Variants in CYFIP1 observed in about 807,000 individuals in gnomAD.
The protein encoded by CYFIP1 is cytoplasmic FMR1-interacting protein 1.
In CYFIP1, 58 loss-of-function variants were observed where a neutral mutation model predicts 163.5. The ratio of observed to expected loss-of-function variants is 0.35; its 90% CI spans 0.29 to 0.44. CYFIP1 has a LOEUF of 0.44. Among genes scored for constraint, CYFIP1 ranks in the 20% least tolerant of loss-of-function variants. CYFIP1 has a pLI of 1.00. For missense variants in CYFIP1, 1,338 were observed against 1,653.8 expected, an observed-to-expected ratio of 0.81 and a Z score of 3.31; for synonymous variants, 663 against 660.7, an observed-to-expected ratio of 1.00 and a Z score of -0.05.
intron 13 of CYFIP1, among the ~76,000 whole-genome samples, chr15:22,923,942 CAA>C (rs916058496): frequency 1.1e-4 from 7 of 61,814 alleles, no homozygotes; most frequent in East Asian, 4.6e-4. Context: ...ACCTTGTCTC[CAA>C]AAAAAAAAAA....
chr15:22,960,248 A>G (rs2062630131), intron 1 of CYFIP1, among the ~76,000 whole-genome samples: 1 of 152,176 alleles, frequency 6.6e-6, no homozygotes, highest in Non-Finnish European at 1.5e-5. Context: ...TGCTGTCAAG[A>G]CACTTGGGCT....
chr15:22,918,526 T>C (rs1339281336), intron 14 of CYFIP1, among the ~76,000 whole-genome samples, 166 bp downstream of exon 14: 1 of 152,132 alleles, frequency 6.6e-6, no homozygotes, highest in Non-Finnish European at 1.5e-5. Context: ...GGGTTAATAA[T>C]TGGACCCATG....
At chr15:22,950,993 C>T (rs1176912942) in intron 1 of CYFIP1, among the ~76,000 whole-genome samples, 2 of 152,182 alleles carry the variant, frequency 1.3e-5, no homozygotes, top group East Asian at 3.8e-4. Context: ...CCTAATTTAC[C>T]AATTAAAGTT....
At chr15:22,901,618 G>C (rs563864570) in intron 22 of CYFIP1, among the ~76,000 whole-genome samples, 1 of 152,290 alleles carries the variant, frequency 6.6e-6, no homozygotes, top group East Asian at 1.9e-4. Flanking sequence ...CACTGTACAG[G>C]TTAAATTCCA....
At chr15:22,909,362 T>C in intron 20 of CYFIP1, 49 bp from the exon 21 acceptor site, 1 of 1,603,802 alleles carries the variant, frequency 6.2e-7, no homozygotes, top group South Asian at 1.1e-5. Flanking sequence ...CATGAGCAGC[T>C]CGAAAACAAC....
chr15:22,920,328 C>T (rs2061132506), intron 13 of CYFIP1, among the ~76,000 whole-genome samples: 1 of 152,046 alleles, frequency 6.6e-6, no homozygotes, highest in East Asian at 1.9e-4. Flanking sequence ...CCATGCTTGG[C>T]TAGGCATCTT....
At position 22,939,287 on chromosome 15, in the gene CYFIP1, A is replaced by G. The variant is rs1434355682; in HGVS notation, c.700T>C (p.Tyr234His). ...LQQQLEVISG[Y>H]EELLADIVNL... The stretch of plus-strand genomic sequence containing the variant: ...ACAATATCTGCCAGGAGCTCTTCGT[A>G]GCCAGAAATCACTTCGAGCTGCTGC... The change falls in exon 8 of 31, where the codon TAC (tyrosine) becomes CAC (histidine). Residue 234 changes from tyrosine (Y) to histidine (H), a missense_variant. Transcript: ENST00000617928. The G allele has an allele frequency of 6.2e-7, 1 of 1,614,032 alleles. No homozygotes were observed. Among genetic ancestry groups the G allele is most frequent in the East Asian group, 2.2e-5 (1 of 44,892 alleles).
chr15:22,877,950 G>A (rs891160395), intron 26 of CYFIP1, among the ~76,000 whole-genome samples: 13 of 152,324 alleles, frequency 8.5e-5, no homozygotes, highest in East Asian at 1.9e-4. Flanking sequence ...GGTGTGAGGC[G>A]GCTGGTCCAG....
chr15:22,913,778 G>T (rs939148882), intron 17 of CYFIP1, among the ~76,000 whole-genome samples: 1 of 152,104 alleles, frequency 6.6e-6, no homozygotes, highest in Non-Finnish European at 1.5e-5. Context: ...CCTCCAAGCT[G>T]GTTCCAGCTC....
At chr15:22,944,798 G>T in intron 4 of CYFIP1, 64 bp downstream of exon 4, 1 of 1,557,032 alleles carries the variant, frequency 6.4e-7, no homozygotes, top group Non-Finnish European at 8.9e-7. Flanking sequence ...CAGGGGCAGG[G>T]GTGTGGTGTG....
chr15:22,875,145 C>A (rs2059545793), intron 27 of CYFIP1, 54 bp downstream of exon 27: 2 of 1,531,868 alleles, frequency 1.3e-6, no homozygotes, highest in South Asian at 2.2e-5. Context: ...ATACAGTGGG[C>A]ACCACCCCCA....
At chr15:22,890,727 G>A (rs1347260663) in intron 23 of CYFIP1, among the ~76,000 whole-genome samples, 2 of 110,302 alleles carry the variant, frequency 1.8e-5, no homozygotes, top group Non-Finnish European at 1.9e-5. Flanking sequence ...AGCGGAGGCC[G>A]CACCTGCCAA....
chr15:22,870,175 C>T lies in CYFIP1; in HGVS notation c.3615G>A (p.Val1205=), dbSNP rs1046481417. 6 of 1,610,004 alleles carry T rather than the reference C, an allele frequency of 3.7e-6. No homozygotes were observed. In the South Asian group the frequency reaches 6.7e-5, roughly 18 times the overall value. ...GAATCTGGAACTTGCGAATTCTCTC[C>T]ACCATCTTCTTCAAAGGCTACAACC... ...IIKNVPLKKM[V]ERIRKFQILN... Residue 1205 remains valine, a synonymous_variant, in exon 31 of 31, where the codon GTG becomes GTA. Transcript: ENST00000617928.
Position 22,937,172 on chromosome 15 carries a change from C to G in CYFIP1, c.832G>C (p.Val278Leu). ...GFGLYLMDGS[V>L]SNIYKLDAKK... ...GCATCCAACTTATAGATGTTACTGA[C>G]ACTCCCATCCATCAGGTACAGACCA... Residue 278 changes from valine (V) to leucine (L), a missense_variant, in exon 9 of 31, where the codon GTC becomes CTC. Val to Leu is a conservative substitution (Grantham distance 32, BLOSUM62 1). Around this residue, in one of 4 missense-constraint regions of CYFIP1, gnomAD observed 824 missense variants for 995.7 expected, o/e 0.83. Transcript: ENST00000617928. 2 of 1,613,460 alleles carry G rather than the reference C, an allele frequency of 1.2e-6. No homozygotes were observed. Among genetic ancestry groups the G allele is most frequent in the Non-Finnish European group, 1.7e-6 (2 of 1,179,382 alleles).
intron 8 of CYFIP1, among the ~76,000 whole-genome samples, chr15:22,938,054 G>A (rs1055855043): frequency 3.3e-5 from 5 of 152,206 alleles, no homozygotes; most frequent in Admixed American, 6.5e-5. Context: ...TGCTCAGGAG[G>A]AGTCTGGGGG....
intron 23 of CYFIP1, among the ~76,000 whole-genome samples, chr15:22,891,615 C>T (rs534901139): frequency 2.6e-5 from 4 of 152,234 alleles, no homozygotes; most frequent in African/African-American, 9.6e-5. Context: ...CCGGCCCACA[C>T]TCGCTCTTTT....
At chr15:22,904,207 G>A (rs1031524575) in intron 21 of CYFIP1, 4 of 469,328 alleles carry the variant, frequency 8.5e-6, no homozygotes, top group Admixed American at 3.4e-5. Flanking sequence ...TTCCCCCCAT[G>A]TGCCCGCTGA....
intron 1 of CYFIP1, among the ~76,000 whole-genome samples, chr15:22,969,230 T>A (rs1365342236): frequency 1.3e-5 from 2 of 152,140 alleles, no homozygotes; most frequent in Non-Finnish European, 2.9e-5. Context: ...ACATCTGTCT[T>A]ATTCCCATCT....
chr15:22,950,643 G>T (rs1398265898), intron 1 of CYFIP1, among the ~76,000 whole-genome samples: 1 of 152,200 alleles, frequency 6.6e-6, no homozygotes, highest in Admixed American at 6.5e-5. Flanking sequence ...TAAACTGTGC[G>T]CTGTTCTGAG....
Sources: allele counts gnomAD v4.1 joint callset (sites outside exome capture counted in the v4.1 genomes callset), GRCh38; gene constraint gnomAD v4.1.1; regional missense constraint gnomAD v4.1.1; transcripts MANE v1.5; gene names NCBI Gene and HGNC (gene_info 2026-07-23, HGNC 2026-07-21).